Variants in MYBPC2 observed in about 807,000 individuals in gnomAD.
MYBPC2 encodes myosin binding protein C2.
MYBPC2 carries 122 observed loss-of-function variants against 137.0 expected under a neutral mutation model. The ratio of observed to expected loss-of-function variants is 0.89; its 90% CI spans 0.77 to 1.03. The LOEUF (loss-of-function observed/expected upper bound fraction) is 1.03. Among genes scored for constraint, MYBPC2 ranks in the 50% least tolerant of loss-of-function variants. MYBPC2 has a pLI of 0.00. For synonymous variants in MYBPC2, 626 were observed against 612.3 expected (o/e 1.02, Z -0.33); for missense variants, 1,500 against 1,534.4 (o/e 0.98, Z 0.37).
At chr19:50,462,479 CAGACT>C in intron 26 of MYBPC2, among the ~76,000 whole-genome samples, 1 of 150,988 alleles carries the variant, frequency 6.6e-6, no homozygotes, top group African/African-American at 2.4e-5. Context: ...CCACCACGCC[CAGACT>C]GGACTTGCTC....
chr19:50,464,197 C>T, intron 26 of MYBPC2, 149 bp from the exon 27 acceptor site: 1 of 669,768 alleles, frequency 1.5e-6, no homozygotes, highest in Non-Finnish European at 2.5e-6. Flanking sequence ...TAAGAGGAGA[C>T]TGAGGGTCAG....
chr19:50,435,232 C>T lies in MYBPC2; in HGVS notation c.91C>T (p.Pro31Ser). ...APKEAPPKEA[P>S]AEAPKEAPPE... ...CAAGGAGGCTCCCCCTAAGGAGGCT[C>T]CTGCAGAGGCCCCCAAAGGTGAGGA... The change falls in exon 2 of 28, where the codon CCT becomes TCT. Residue 31 changes from proline (P) to serine (S), a missense_variant. Coordinates refer to ENST00000357701, the MANE Select transcript of MYBPC2 (RefSeq NM_004533.4). This position sits in a 1 kb window ranked among gnomAD's most constrained non-coding sequence, Gnocchi z 4.8. The T allele has an allele frequency of 7.9e-7, 1 of 1,263,826 alleles. No homozygotes were observed. The highest frequency in any genetic ancestry group is 1.1e-6 in the Non-Finnish European group (1 of 871,684). 78.3% of individuals were successfully genotyped at this position (1,263,826 alleles called of 1,614,324 possible).
Position 50,450,938 on chromosome 19 carries a change from G to A in MYBPC2, c.1579+3G>A. On this transcript the variant is annotated splice_donor_region_variant and intron_variant, in intron 14 of 27. Transcript: ENST00000357701. ...CTCGGCCAAGCTCAACTTCCTGGGT[G>A]AGGATGCCCCTTCCTCCTTCCCTGG... 1.9e-6 allele frequency: 3 copies of A among 1,559,822 alleles called. No homozygotes were observed. The highest frequency in any genetic ancestry group is 1.2e-5 in the South Asian group (1 of 84,414).
intron 11 of MYBPC2, 28 bp downstream of exon 11, chr19:50,443,844 A>T: frequency 6.3e-7 from 1 of 1,587,882 alleles, no homozygotes; most frequent in East Asian, 2.2e-5. Context: ...CCTGATCTCC[A>T]TACAGGTGCA....
At chr19:50,461,507 C>G in intron 24 of MYBPC2, 35 bp from the exon 25 acceptor site, 1 of 1,603,930 alleles carries the variant, frequency 6.2e-7, no homozygotes, top group Non-Finnish European at 8.5e-7. Flanking sequence ...TCCTGTGGCC[C>G]CGACCCGCCT....
At chr19:50,461,444 G>T (rs978288895) in intron 24 of MYBPC2, 98 bp from the exon 25 acceptor site, 49 of 1,276,910 alleles carry the variant, frequency 3.8e-5, no homozygotes, top group Non-Finnish European at 4.8e-5. Flanking sequence ...TTAAACACTG[G>T]ATGTGCTTTT....
At chr19:50,464,604 G>A (rs904660220) in intron 27 of MYBPC2, 72 bp downstream of exon 27, 32 of 1,469,498 alleles carry the variant, frequency 2.2e-5, no homozygotes, top group East Asian at 4.7e-5. Context: ...CGGTGGCCCC[G>A]GGCTGAGCAC....
intron 20 of MYBPC2, among the ~76,000 whole-genome samples, chr19:50,456,032 ACATCCATCCATCCATATTTCCATC>A (rs1419377965): frequency 7.3e-6 from 1 of 136,520 alleles, no homozygotes; most frequent in African/African-American, 2.8e-5. Flanking sequence ...ACCCATCTGT[ACATCCATCCATCCATATTTCCATC>A]CATCCATCCA....
rs751630114 is a variant in MYBPC2 at position 50,454,266 on chromosome 19, T to C, written c.1911T>C (p.Asp637=). 2 of 1,613,734 alleles carry C rather than the reference T, an allele frequency of 1.2e-6. No individual in the cohort carries two copies. Among genetic ancestry groups the C allele is most frequent in the Non-Finnish European group, 1.7e-6 (2 of 1,179,866 alleles). The change falls in exon 18 of 28, where the codon GAT becomes GAC. Residue 637 remains aspartate (D), a splice_region_variant and synonymous_variant. Transcript: ENST00000357701. ...ACCTGACTCTCCTGCCCCCTGCAGA[T>C]GTCCCAGACCCCCCGGAGGCTGTGC... is the stretch of plus-strand genomic sequence containing the variant. ...DVASIFLQVV[D]VPDPPEAVRI... is the part of the protein sequence containing the mutation.
rs1486428151 is a variant in MYBPC2, at chr19:50,435,607, G to A, written c.110-169G>A. ...CCTGGCCAAGGTCACACAGCCACGA[G>A]GGTGACAGGTGGCCTTTCCCAGGTC... On this transcript the variant is annotated intron_variant, in intron 2 of 27. Transcript: ENST00000357701. The surrounding 1 kb of genome is among the most constrained non-coding windows in gnomAD (Gnocchi z 4.8). Among the ~76,000 whole-genome samples the A allele has an allele frequency of 1.3e-5, 2 of 152,124 alleles. No homozygotes were observed. The highest frequency in any genetic ancestry group is 2.9e-5 in the Non-Finnish European group (2 of 68,040).
In MYBPC2 at chr19:50,455,121, G is replaced by A; in HGVS notation, c.2028G>A (p.Glu676=). ...GGKPVTGYLV[E]RKKKGSQRWM... The stretch of plus-strand genomic sequence containing the variant: ...TGGAGCCTCCAGGGTACCTCGTAGA[G>A]CGGAAGAAGAAGGGCTCTCAGCGCT... Residue 676 remains glutamate, a synonymous_variant, in exon 19 of 28, where the codon GAG becomes GAA. Transcript: ENST00000357701. 6.2e-7 allele frequency: 1 copy of A among 1,612,792 alleles called. No individual in the cohort carries two copies. Among genetic ancestry groups the A allele is most frequent in the Non-Finnish European group, 8.5e-7 (1 of 1,179,606 alleles).
intron 16 of MYBPC2, 108 bp downstream of exon 16, chr19:50,452,111 T>C: frequency 8.1e-7 from 1 of 1,238,070 alleles, no homozygotes; most frequent in Non-Finnish European, 1.1e-6. Context: ...TGGTTCCTTC[T>C]TCACAGGGTT....
chr19:50,453,154 A>G (rs1470173192), intron 16 of MYBPC2, among the ~76,000 whole-genome samples: 2 of 152,090 alleles, frequency 1.3e-5, no homozygotes, highest in African/African-American at 4.8e-5. Context: ...GGGTTTCACT[A>G]TGTTGCCCAT....
Position 50,450,835 on chromosome 19 carries a change from C to T in MYBPC2, c.1479C>T (p.His493=). ...RITISHVGRF[H]KLVIDDVRPE... is the part of the protein sequence containing the mutation. ...CTGCTCCCCCACCCCTTAGGTTCCA[C>T]AAGCTGGTGATCGATGACGTCCGCC... The change falls in exon 14 of 28, where the codon CAC becomes CAT. Residue 493 remains histidine, a synonymous_variant. Transcript: ENST00000357701. The T allele has an allele frequency of 6.4e-7, 1 of 1,566,756 alleles. No homozygotes were observed. Among genetic ancestry groups the T allele is most frequent in the Non-Finnish European group, 8.7e-7 (1 of 1,155,934 alleles).
At chr19:50,459,057 C>CT (rs2039942701) in intron 22 of MYBPC2, 51 bp downstream of exon 22, 4 of 1,563,656 alleles carry the variant, frequency 2.6e-6, no homozygotes, top group Admixed American at 1.9e-5. Flanking sequence ...CGCAAGCCCC[C>CT]TTTTTGCGGG....
intron 7 of MYBPC2, among the ~76,000 whole-genome samples, chr19:50,440,407 T>TA (rs1204574734): frequency 6.6e-6 from 1 of 151,886 alleles, no homozygotes; most frequent in Admixed American, 6.6e-5. Context: ...CTCACACCTG[T>TA]AATCCCAGCA....
At chr19:50,460,334 G>A (rs1472006906) in intron 24 of MYBPC2, among the ~76,000 whole-genome samples, 155 bp downstream of exon 24, 3 of 152,124 alleles carry the variant, frequency 2.0e-5, no homozygotes, top group African/African-American at 7.2e-5. Flanking sequence ...GACTTGGCAC[G>A]TGATGGGTTT....
Position 50,454,017 on chromosome 19 carries a change from C to T in MYBPC2, c.1750-3C>T, listed in dbSNP as rs1264567600. 4 of 1,591,588 alleles carry T rather than the reference C, an allele frequency of 2.5e-6. No homozygotes were observed. The highest frequency in any genetic ancestry group is 3.4e-6 in the Non-Finnish European group (4 of 1,170,562). ...TGCAAGGCCATCTGGTGGCTGCGTT[C>T]AGGTATTCACGACCACCGAGGGCAG... On this transcript the variant is annotated splice_polypyrimidine_tract_variant and splice_region_variant and intron_variant, in intron 16 of 27. Coordinates refer to ENST00000357701, the MANE Select transcript of MYBPC2 (RefSeq NM_004533.4).
chr19:50,444,480 A>G (rs978559636), intron 11 of MYBPC2, among the ~76,000 whole-genome samples: 3 of 152,110 alleles, frequency 2.0e-5, no homozygotes, highest in African/African-American at 7.2e-5. Context: ...CCATCTACCT[A>G]TCCATTCATC....
Sources: gnomAD v4.1 joint callset for allele counts (sites outside exome capture counted in the v4.1 genomes callset) on GRCh38, gnomAD v4.1.1 for gene constraint, Gnocchi (gnomAD v3.1) non-coding constraint, MANE v1.5 for transcripts, NCBI Gene and HGNC (gene_info 2026-07-23, HGNC 2026-07-21) for gene names.